Variants in CFAP97 observed in about 807,000 individuals in gnomAD.
CFAP97 encodes cilia and flagella associated protein 97.
Under a neutral mutation model 43.1 loss-of-function variants are expected in CFAP97, and 36 were observed. That is an observed-to-expected ratio of 0.84 (90% CI 0.64 to 1.10). The LOEUF (loss-of-function observed/expected upper bound fraction) is 1.10, where lower values mean the gene tolerates loss of function less well. CFAP97 is among the 50% of genes least tolerant of loss of function. The pLI, the probability that CFAP97 is intolerant of heterozygous loss-of-function variation, is 0.00. For synonymous variants in CFAP97, 228 were observed against 225.7 expected (o/e 1.01, Z -0.09); for missense variants, 657 against 620.3 (o/e 1.06, Z -0.63).
At chr4:185,196,466 CAA>C (rs58653090) in intron 1 of CFAP97, among the ~76,000 whole-genome samples, 13 of 129,692 alleles carry the variant, frequency 1.0e-4, no homozygotes, top group African/African-American at 1.9e-4. Flanking sequence ...TAGTCCGTCT[CAA>C]AAAAAAAAAA....
intron 1 of CFAP97, among the ~76,000 whole-genome samples, chr4:185,196,548 A>C (rs1396051679): frequency 6.6e-6 from 1 of 152,092 alleles, no homozygotes; most frequent in Non-Finnish European, 1.5e-5. Flanking sequence ...AAATGCATTG[A>C]GTGTACTAGG....
chr4:185,172,398 C>G (rs76150876), intron 3 of CFAP97, among the ~76,000 whole-genome samples: 1 of 152,114 alleles, frequency 6.6e-6, no homozygotes, highest in African/African-American at 2.4e-5. Flanking sequence ...TTTATACAAT[C>G]GTTGCCTTCC....
At chr4:185,169,805 A>G in intron 3 of CFAP97, 2 of 985,478 alleles carry the variant, frequency 2.0e-6, no homozygotes, top group South Asian at 4.7e-5. Context: ...ACTGCTCTCT[A>G]CATTTCAACA....
intron 1 of CFAP97, among the ~76,000 whole-genome samples, chr4:185,202,503 AGGCCACTGCAC>A (rs952203523): frequency 1.5e-4 from 23 of 151,646 alleles, no homozygotes; most frequent in African/African-American, 5.3e-4. Flanking sequence ...AGCCGAGATC[AGGCCACTGCAC>A]TCCAGCCTAG....
At chr4:185,166,236 T>C (rs78134941) in intron 3 of CFAP97, among the ~76,000 whole-genome samples, 1 of 152,306 alleles carries the variant, frequency 6.6e-6, no homozygotes, top group African/African-American at 2.4e-5. Flanking sequence ...TTTCTTGCAT[T>C]GTGGACAGAG....
intron 3 of CFAP97, among the ~76,000 whole-genome samples, chr4:185,168,633 G>A (rs1018809935): frequency 6.7e-6 from 1 of 149,900 alleles, no homozygotes; most frequent in East Asian, 2.0e-4. Flanking sequence ...GGTGGCTCAC[G>A]CCTGTAATCC....
chr4:185,172,296 A>G (rs1464869972), intron 3 of CFAP97, among the ~76,000 whole-genome samples: 2 of 152,234 alleles, frequency 1.3e-5, no homozygotes, highest in Non-Finnish European at 2.9e-5. Context: ...GAGGAAGGAT[A>G]ATATCTACCT....
At chr4:185,173,099 C>T (rs1369816200) in intron 3 of CFAP97, among the ~76,000 whole-genome samples, 1 of 152,144 alleles carries the variant, frequency 6.6e-6, no homozygotes, top group African/African-American at 2.4e-5. Context: ...CACAGTGGCT[C>T]ACGCCTGTAA....
intron 2 of CFAP97, among the ~76,000 whole-genome samples, chr4:185,188,897 G>C (rs551349249): frequency 6.6e-6 from 1 of 151,944 alleles, no homozygotes; most frequent in African/African-American, 2.4e-5. Flanking sequence ...TACAATCAGA[G>C]AAAGGGAGAA....
At chr4:185,165,808 T>C (rs888738084) in intron 3 of CFAP97, among the ~76,000 whole-genome samples, 4 of 152,190 alleles carry the variant, frequency 2.6e-5, no homozygotes, top group African/African-American at 9.7e-5. Context: ...CCATAACTTT[T>C]CTTCCACTTG....
rs1736229525 is a variant in CFAP97, at chr4:185,191,053, TG to T, written c.143del (p.Thr48LysfsTer4). ...DDPKERIDKD[T>X]KNVNSNTGMQ... ...TTCCAGTGTTCGAATTTACATTTTT[TG>T]TATCTTTATCTATTCTTTCCTTTGG... On this transcript the variant is annotated frameshift_variant, in exon 2 of 5. Coordinates refer to ENST00000458385, the MANE Select transcript of CFAP97 (RefSeq NM_020827.3). LOFTEE classifies it high-confidence loss of function. The T allele has an allele frequency of 1.2e-6, 2 of 1,613,530 alleles. No individual in the cohort carries two copies. The highest frequency in any genetic ancestry group is 1.3e-5 in the African/African-American group (1 of 75,038).
chr4:185,186,597 G>A (rs1427759323), intron 2 of CFAP97, among the ~76,000 whole-genome samples: 3 of 152,036 alleles, frequency 2.0e-5, no homozygotes, highest in Non-Finnish European at 4.4e-5. Flanking sequence ...TAGATTATAA[G>A]CAGAAGCTGA....
intron 3 of CFAP97, among the ~76,000 whole-genome samples, chr4:185,172,378 A>C (rs562476819): frequency 6.6e-6 from 1 of 152,352 alleles, no homozygotes; most frequent in Non-Finnish European, 1.5e-5. Flanking sequence ...TCTAGAGCAC[A>C]GAAGTCAGTT....
chr4:185,164,022 T>C lies in CFAP97; in HGVS notation c.1471+7A>G, dbSNP rs1304091531. ...AATAAGTATAAAATAATTTCCAAAA[T>C]GCTTACTTAATGGGCTATATTGGCC... On this transcript the variant is annotated splice_region_variant and intron_variant, in intron 4 of 4. Coordinates refer to ENST00000458385, the MANE Select transcript of CFAP97 (RefSeq NM_020827.3). 6.2e-7 allele frequency: 1 copy of C among 1,607,636 alleles called. No individual in the cohort carries two copies.
upstream of CFAP97, chr4:185,207,864 A>G (rs184051235): frequency 5.5e-4 from 84 of 152,330 alleles, no homozygotes; most frequent in African/African-American, 1.6e-3. Flanking sequence ...GTTAGTTACT[A>G]TTATGGTGAG....
chr4:185,208,477 C>T (rs1178299101), upstream of CFAP97, among the ~76,000 whole-genome samples: 2 of 151,918 alleles, frequency 1.3e-5, no homozygotes, highest in Non-Finnish European at 2.9e-5. Flanking sequence ...CACCTATAAT[C>T]CCAGCACTTT....
chr4:185,173,325 T>C (rs988824777), intron 3 of CFAP97, among the ~76,000 whole-genome samples: 1 of 145,606 alleles, frequency 6.9e-6, no homozygotes, highest in African/African-American at 2.5e-5. Context: ...ATCACGTCAC[T>C]GCACTCCAGC....
At chr4:185,208,812 A>G (rs896887261), upstream of CFAP97, among the ~76,000 whole-genome samples, 1 of 152,236 alleles carries the variant, frequency 6.6e-6, no homozygotes, top group African/African-American at 2.4e-5. Flanking sequence ...CTGCTTCTTT[A>G]TTAGTCTTAG....
chr4:185,162,879 A>C lies in CFAP97; in HGVS notation c.1518T>G (p.Ser506Arg). ...SSATSGLSCR[S>R]ERSAVDPSSG... ...TGGAGGGGTCAACCGCTGATCGCTC[A>C]CTCCTACAACTGAGACCACTCGTAG... is the stretch of plus-strand genomic sequence containing the variant. Residue 506 changes from serine (S) to arginine (R), a missense_variant, in exon 5 of 5, where the codon AGT becomes AGG. By Grantham distance (110) the Ser-to-Arg change is moderately radical. Coordinates refer to ENST00000458385, the MANE Select transcript of CFAP97 (RefSeq NM_020827.3). 1 of 1,609,762 alleles carries C rather than the reference A, an allele frequency of 6.2e-7. No homozygotes were observed. Among genetic ancestry groups the C allele is most frequent in the African/African-American group, 1.3e-5 (1 of 74,888 alleles).
Sources: allele counts gnomAD v4.1 joint callset (sites outside exome capture counted in the v4.1 genomes callset), GRCh38; gene constraint gnomAD v4.1.1; transcripts MANE v1.5; gene names NCBI Gene and HGNC (gene_info 2026-07-23, HGNC 2026-07-21).